The following ZNF521 variants were observed in gnomAD, a reference collection of about 807,000 sequenced individuals.
ZNF521 encodes the protein LYST-interacting protein 3.
ZNF521 carries 14 observed loss-of-function variants against 105.5 expected under a neutral mutation model. That is an observed-to-expected ratio of 0.13 (90% CI 0.09 to 0.21). The LOEUF is 0.21. Ranked by LOEUF, ZNF521 falls within the 10% of genes least tolerant of loss-of-function variation. The pLI is 1.00. For missense variants in ZNF521, 1,233 were observed against 1,629.7 expected (o/e 0.76, Z 4.19); for synonymous variants, 635 against 606.0 (o/e 1.05, Z -0.70).
intron 4 of ZNF521, among the ~76,000 whole-genome samples, chr18:25,215,216 C>T (rs2144698578): frequency 6.6e-6 from 1 of 152,088 alleles, no homozygotes; most frequent in East Asian, 1.9e-4. Context: ...GAAACATGCA[C>T]ATTTAAAAGA....
chr18:25,224,246 T>C, intron 4 of ZNF521, 99 bp downstream of exon 4: 1 of 1,113,978 alleles, frequency 9.0e-7, no homozygotes, highest in East Asian at 2.4e-5. Context: ...AAGCATCTTT[T>C]GGCCCATGAC....
At chr18:25,099,987 C>T (rs906517128) in intron 5 of ZNF521, among the ~76,000 whole-genome samples, 3 of 152,048 alleles carry the variant, frequency 2.0e-5, no homozygotes, top group Admixed American at 2.0e-4. Flanking sequence ...GTGGGGGGCC[C>T]GCAACACAAG....
chr18:25,116,935 GTATA>G lies in ZNF521; in HGVS notation c.3659-24858_3659-24855del, dbSNP rs1258596307. Among the ~76,000 whole-genome samples the G allele has an allele frequency of 5.6e-5, 7 of 125,682 alleles. No homozygotes were observed. In the East Asian group the frequency reaches 1.1e-3, roughly 20 times the overall value. 82.5% of individuals were successfully genotyped at this position (125,682 alleles called of 152,430 possible). On this transcript the variant is annotated intron_variant, in intron 5 of 7. Coordinates refer to ENST00000361524, the MANE Select transcript of ZNF521 (RefSeq NM_015461.3). ...TACGTATATCTATGTATATATATAC[GTATA>G]TATACACATATATATGTATATATGT...
In ZNF521 at chr18:25,207,307, G is replaced by A. The variant is rs77638097; in HGVS notation, c.3574-12063C>T. ...CAGACTGCCATGAAAACATCCACAT[G>A]TACATGGTGTGGCGGCTCATTTACA... On this transcript the variant is annotated intron_variant, in intron 4 of 7. Coordinates refer to ENST00000361524, the MANE Select transcript of ZNF521 (RefSeq NM_015461.3). 7.3e-3 allele frequency among the ~76,000 whole-genome samples: 1,094 copies of A among 150,650 alleles called. 18 individuals are homozygous for A. The highest frequency in any genetic ancestry group is 0.06 in the East Asian group (304 of 5,104).
chr18:25,273,639 A>G (rs1392449163), intron 3 of ZNF521: 1 of 152,224 alleles, frequency 6.6e-6, no homozygotes, highest in East Asian at 1.9e-4. Context: ...AGATTAATAA[A>G]AGGGTATGTA....
At chr18:25,349,687 C>T (rs907105103) in intron 2 of ZNF521, among the ~76,000 whole-genome samples, 34 of 151,772 alleles carry the variant, frequency 2.2e-4, no homozygotes, top group African/African-American at 7.2e-4. Context: ...GAACCGGGGC[C>T]ACGGGGCGCC....
intron 2 of ZNF521, among the ~76,000 whole-genome samples, chr18:25,337,551 A>G (rs935946488): frequency 6.6e-6 from 1 of 152,228 alleles, no homozygotes; most frequent in Non-Finnish European, 1.5e-5. Context: ...CCTCATAATT[A>G]CAGCAATGCT....
At chr18:25,183,793 C>T (rs192502880) in intron 5 of ZNF521, among the ~76,000 whole-genome samples, 32 of 152,242 alleles carry the variant, frequency 2.1e-4, no homozygotes, top group African/African-American at 7.7e-4. Flanking sequence ...AAAAAGTCCT[C>T]ATTTACTAGC....
At chr18:25,100,099 T>C (rs1344426304) in intron 5 of ZNF521, among the ~76,000 whole-genome samples, 1 of 151,826 alleles carries the variant, frequency 6.6e-6, no homozygotes, top group South Asian at 2.1e-4. Flanking sequence ...TTTCTTTTTT[T>C]TTTTTTTTAA....
rs188173124 is a variant in ZNF521, at chr18:25,106,199, A to G, written c.3659-14118T>C. ...CAAAATGTCATTATTTTCAAACTGT[A>G]TGAAACAAGACAGAATCATTTGTTT... On this transcript the variant is annotated intron_variant, in intron 5 of 7. Transcript: ENST00000361524. 2.4e-4 allele frequency among the ~76,000 whole-genome samples: 36 copies of G among 152,320 alleles called. No individual in the cohort carries two copies. In the East Asian group the frequency reaches 5.4e-3, roughly 23 times the overall value.
intron 5 of ZNF521, among the ~76,000 whole-genome samples, chr18:25,114,225 T>C (rs138131491): frequency 1.3e-5 from 2 of 152,324 alleles, no homozygotes; most frequent in East Asian, 3.9e-4. Context: ...TTTGGCAAGA[T>C]GGGATATAGA....
At chr18:25,266,737 C>T (rs1275680786) in intron 3 of ZNF521, among the ~76,000 whole-genome samples, 1 of 152,160 alleles carries the variant, frequency 6.6e-6, no homozygotes, top group Non-Finnish European at 1.5e-5. Context: ...GCACTTTTCC[C>T]ACGGTCTTCA....
chr18:25,241,309 C>A (rs1432272154), intron 3 of ZNF521, among the ~76,000 whole-genome samples: 3 of 152,170 alleles, frequency 2.0e-5, no homozygotes, highest in African/African-American at 7.2e-5. Flanking sequence ...TGCCACTTAT[C>A]AGAATTGTAT....
intron 5 of ZNF521, among the ~76,000 whole-genome samples, chr18:25,174,342 G>A (rs1006122312): frequency 6.6e-6 from 1 of 152,116 alleles, no homozygotes; most frequent in African/African-American, 2.4e-5. Context: ...TGATGGTGAA[G>A]CTGCTGTTGT....
chr18:25,216,352 T>A (rs1905323854), intron 4 of ZNF521, among the ~76,000 whole-genome samples: 1 of 152,232 alleles, frequency 6.6e-6, no homozygotes. Flanking sequence ...TATTTTAATA[T>A]TTTTAGATCA....
chr18:25,094,330 T>C (rs918736239), intron 5 of ZNF521, among the ~76,000 whole-genome samples: 2 of 152,140 alleles, frequency 1.3e-5, no homozygotes, highest in Non-Finnish European at 2.9e-5. Flanking sequence ...GAAAATGTAC[T>C]CATTCATTTT....
chr18:25,318,482 G>A (rs924916826), intron 3 of ZNF521, among the ~76,000 whole-genome samples: 3 of 152,114 alleles, frequency 2.0e-5, no homozygotes, highest in Non-Finnish European at 4.4e-5. Context: ...AAAAATTACA[G>A]CATTAACAAT....
At chr18:25,305,735 C>G (rs1255658917) in intron 3 of ZNF521, among the ~76,000 whole-genome samples, 1 of 152,152 alleles carries the variant, frequency 6.6e-6, no homozygotes, top group Admixed American at 6.5e-5. Flanking sequence ...AATAATAACT[C>G]ATACTAATTC....
chr18:25,227,279 G>A lies in ZNF521; in HGVS notation c.639C>T (p.Ser213=). 6.2e-7 allele frequency: 1 copy of A among 1,614,160 alleles called. No homozygotes were observed. The highest frequency in any genetic ancestry group is 1.3e-5 in the African/African-American group (1 of 75,038). Residue 213 remains serine, a synonymous_variant, in exon 4 of 8, where the codon TCC becomes TCT. Transcript: ENST00000361524. This position sits in a 1 kb window ranked among gnomAD's most constrained non-coding sequence, Gnocchi z 5.7. ...KCAICRRGFL[S]SSSLHGHMQV... is the part of the protein sequence containing the mutation. ...GCATGTGTCCGTGTAAGGAACTAGA[G>A]GACAGAAACCCACGGCGACAAATGG...
Sources: allele counts gnomAD v4.1 joint callset (sites outside exome capture counted in the v4.1 genomes callset), GRCh38; gene constraint gnomAD v4.1.1; non-coding constraint Gnocchi (gnomAD v3.1); transcripts MANE v1.5; gene names NCBI Gene and HGNC (gene_info 2026-07-23, HGNC 2026-07-21).